The following LINGO2 variants were observed in gnomAD, a reference collection of about 807,000 sequenced individuals.
LINGO2 encodes leucine rich repeat and Ig domain containing 2.
A neutral mutation model predicts 30.6 loss-of-function variants in LINGO2; 14 were observed. That is an observed-to-expected ratio of 0.46 (90% CI 0.30 to 0.72). LINGO2 has a LOEUF of 0.72. Ranked by LOEUF, LINGO2 falls within the 30% of genes least tolerant of loss-of-function variation. The pLI is 0.07. For synonymous variants in LINGO2, 317 were observed against 288.5 expected, an observed-to-expected ratio of 1.10 and a Z score of -1.00; for missense variants, 729 against 751.7, an observed-to-expected ratio of 0.97 and a Z score of 0.35.
chr9:28,738,943 GCT>G, the LINGO2 span, among the ~76,000 whole-genome samples: 2 of 151,914 alleles, frequency 1.3e-5, no homozygotes, highest in East Asian at 3.9e-4. Flanking sequence ...GAAATCAAAA[GCT>G]AACATCATAC....
chr9:28,007,037 C>G (rs963221733), intron 5 of LINGO2, among the ~76,000 whole-genome samples: 1 of 152,160 alleles, frequency 6.6e-6, no homozygotes, highest in Non-Finnish European at 1.5e-5. Context: ...ATGGGGCAAT[C>G]TTGTGTTTCA....
At chr9:28,079,206 G>GC (rs1563961935) in intron 4 of LINGO2, among the ~76,000 whole-genome samples, 2 of 135,138 alleles carry the variant, frequency 1.5e-5, no homozygotes, top group African/African-American at 7.8e-5. Context: ...ATTTAATATA[G>GC]ATAACTGGAA....
chr9:28,476,640 A>C (rs890641924), intron 1 of LINGO2, among the ~76,000 whole-genome samples: 6 of 152,246 alleles, frequency 3.9e-5, no homozygotes, highest in South Asian at 2.1e-4. Context: ...CATATATTTG[A>C]AGATCTGTGT....
the LINGO2 span, among the ~76,000 whole-genome samples, chr9:28,799,462 A>G: frequency 1.3e-5 from 2 of 152,172 alleles, no homozygotes; most frequent in African/African-American, 4.8e-5. Flanking sequence ...CAAATAAACC[A>G]TGAAAATCAA....
chr9:28,387,716 C>T (rs764311642), intron 2 of LINGO2, among the ~76,000 whole-genome samples: 10 of 152,144 alleles, frequency 6.6e-5, no homozygotes, highest in Non-Finnish European at 1.2e-4. Context: ...TGCAGCTTCA[C>T]TCCTGAAGTC....
chr9:28,779,012 T>C, the LINGO2 span, among the ~76,000 whole-genome samples: 1 of 152,170 alleles, frequency 6.6e-6, no homozygotes, highest in Non-Finnish European at 1.5e-5. Context: ...ATAAAACCCA[T>C]ATCTATTCTC....
chr9:28,156,787 C>T (rs1828143228), intron 4 of LINGO2, among the ~76,000 whole-genome samples: 1 of 152,228 alleles, frequency 6.6e-6, no homozygotes, highest in South Asian at 2.1e-4. Flanking sequence ...AAAGGGGCCA[C>T]AGGCCCCATG....
At chr9:28,646,375 C>T (rs1031008557) in intron 1 of LINGO2, among the ~76,000 whole-genome samples, 4 of 152,018 alleles carry the variant, frequency 2.6e-5, no homozygotes, top group Admixed American at 2.0e-4. Context: ...GGCTAAAGCT[C>T]CTTTCATAGG....
the LINGO2 span, among the ~76,000 whole-genome samples, chr9:29,115,627 AG>A: frequency 6.6e-6 from 1 of 152,016 alleles, no homozygotes; most frequent in Non-Finnish European, 1.5e-5. Flanking sequence ...TTTTATGAAA[AG>A]GTTAACATTG....
the LINGO2 span, among the ~76,000 whole-genome samples, chr9:29,167,943 A>G: frequency 1.3e-5 from 2 of 152,146 alleles, no homozygotes; most frequent in African/African-American, 2.4e-5. Context: ...GCTACTCCCA[A>G]GACAACTTTA....
chr9:28,404,090 T>C (rs1033661512), intron 2 of LINGO2, among the ~76,000 whole-genome samples: 4 of 152,166 alleles, frequency 2.6e-5, no homozygotes, highest in African/African-American at 4.8e-5. Context: ...GTAACACTCA[T>C]GTATGAATAA....
At chr9:29,018,964 A>G in the LINGO2 span, among the ~76,000 whole-genome samples, 1 of 152,156 alleles carries the variant, frequency 6.6e-6, no homozygotes, top group Non-Finnish European at 1.5e-5. Context: ...CTGAAATATG[A>G]TCTTCACTGG....
At chr9:29,142,728 T>G in the LINGO2 span, among the ~76,000 whole-genome samples, 3 of 152,066 alleles carry the variant, frequency 2.0e-5, no homozygotes, top group African/African-American at 7.2e-5. Flanking sequence ...CCTCTAAGAT[T>G]AGAAGCAGGG....
At chr9:28,126,317 T>A (rs1158308676) in intron 4 of LINGO2, among the ~76,000 whole-genome samples, 1 of 152,100 alleles carries the variant, frequency 6.6e-6, no homozygotes, top group Non-Finnish European at 1.5e-5. Context: ...CAAGGGTATT[T>A]TTCGAAGGTT....
In LINGO2 at chr9:27,962,839, T is replaced by C. The variant is rs193243059; in HGVS notation, c.-35-12133A>G. ...GCAGGAAGCTAAAATCTATAGGGAG[T>C]TGACTAGGGCCTTTCCATTAATTCT... On this transcript the variant is annotated intron_variant, in intron 5 of 5. Coordinates refer to ENST00000379992, the Ensembl canonical transcript of LINGO2. Among the ~76,000 whole-genome samples, 254 of 152,134 alleles carry C rather than the reference T, an allele frequency of 1.7e-3. 1 individual carries two copies. The highest frequency in any genetic ancestry group is 6.8e-3 in the Middle Eastern group (2 of 294).
chr9:29,002,839 T>C, the LINGO2 span, among the ~76,000 whole-genome samples: 10 of 152,046 alleles, frequency 6.6e-5, no homozygotes, highest in South Asian at 6.2e-4. Flanking sequence ...ACAGGTGTCA[T>C]TAGGGGTTCA....
the LINGO2 span, among the ~76,000 whole-genome samples, chr9:28,812,840 T>G: frequency 6.6e-6 from 1 of 152,112 alleles, no homozygotes; most frequent in Non-Finnish European, 1.5e-5. Context: ...AGTGACATGA[T>G]AAGGAGACAG....
chr9:29,035,593 T>C, the LINGO2 span, among the ~76,000 whole-genome samples: 1 of 62,448 alleles, frequency 1.6e-5, no homozygotes, highest in Non-Finnish European at 3.2e-5. Context: ...CAAGCTTTTG[T>C]GCAGAAGCTT....
At chr9:28,503,359 T>A (rs1446230562) in intron 1 of LINGO2, among the ~76,000 whole-genome samples, 1 of 152,040 alleles carries the variant, frequency 6.6e-6, no homozygotes, top group East Asian at 1.9e-4. Context: ...AAAATCAACA[T>A]ATTGAAGATA....
Sources: gnomAD v4.1 joint callset for allele counts (sites outside exome capture counted in the v4.1 genomes callset) on GRCh38, gnomAD v4.1.1 for gene constraint, MANE v1.5 for transcripts, NCBI Gene and HGNC (gene_info 2026-07-23, HGNC 2026-07-21) for gene names.